Variants in HTR1F observed in about 807,000 individuals in gnomAD.
HTR1F encodes the protein 5-hydroxytryptamine receptor 1F, also known as 5-hydroxytryptamine (serotonin) receptor 1F, G protein-coupled.
HTR1F carries 17 observed loss-of-function variants against 24.0 expected under a neutral mutation model. The observed-to-expected ratio is 0.71, with a 90% CI of 0.48 to 1.06. HTR1F has a LOEUF of 1.06. HTR1F is among the 50% of genes least tolerant of loss of function. The pLI is 0.00. For synonymous variants in HTR1F, 186 were observed against 156.8 expected, an observed-to-expected ratio of 1.19 and a Z score of -1.39; for missense variants, 391 against 427.8, an observed-to-expected ratio of 0.91 and a Z score of 0.76.
chr3:87,840,758 C>T (rs190088842), intron 2 of HTR1F, among the ~76,000 whole-genome samples: 3 of 151,980 alleles, frequency 2.0e-5, no homozygotes, highest in African/African-American at 7.3e-5. Context: ...TTTAAAAACA[C>T]AGGAAATTCT....
At chr3:87,845,850 A>G (rs1472792017) in intron 2 of HTR1F, among the ~76,000 whole-genome samples, 1 of 152,018 alleles carries the variant, frequency 6.6e-6, no homozygotes, top group African/African-American at 2.4e-5. Context: ...TATGGAATAT[A>G]TATTTTCCTC....
chr3:87,933,736 T>C (rs1412398497), intron 2 of HTR1F, among the ~76,000 whole-genome samples: 2 of 152,182 alleles, frequency 1.3e-5, no homozygotes, highest in African/African-American at 4.8e-5. Context: ...CATTCCATGC[T>C]CATGGGTAGG....
At chr3:87,827,669 C>T (rs923152114) in intron 2 of HTR1F, among the ~76,000 whole-genome samples, 1 of 152,114 alleles carries the variant, frequency 6.6e-6, no homozygotes, top group African/African-American at 2.4e-5. Context: ...AATTGGAAAG[C>T]AATGAAGCAA....
At chr3:87,840,106 T>C (rs556480908) in intron 2 of HTR1F, among the ~76,000 whole-genome samples, 5 of 152,298 alleles carry the variant, frequency 3.3e-5, no homozygotes, top group Admixed American at 1.3e-4. Context: ...GGTAGAATGA[T>C]ATATTTTCCT....
rs200883374 is a variant in HTR1F at position 87,991,628 on chromosome 3, T to C, written c.879T>C (p.Thr293=). The change falls in exon 3 of 3, where the codon ACT becomes ACC. Residue 293 remains threonine (T), a synonymous_variant. Coordinates refer to ENST00000319595, the MANE Select transcript of HTR1F (RefSeq NM_001322209.2). ...GTACAAGAGAACGGAAAGCAGCCAC[T>C]ACCCTGGGATTAATCTTGGGTGCAT... ...ISGTRERKAA[T]TLGLILGAFV... 6.2e-7 allele frequency: 1 copy of C among 1,613,768 alleles called. No individual in the cohort carries two copies. The highest frequency in any genetic ancestry group is 1.3e-5 in the African/African-American group (1 of 75,038).
At chr3:87,866,438 A>G (rs1705428319) in intron 2 of HTR1F, among the ~76,000 whole-genome samples, 1 of 152,164 alleles carries the variant, frequency 6.6e-6, no homozygotes, top group Admixed American at 6.6e-5. Context: ...CCGAAAAACA[A>G]CTAGCTCCTT....
intron 1 of HTR1F, chr3:87,793,173 G>C (rs1404832851): frequency 6.6e-6 from 1 of 152,586 alleles, no homozygotes; most frequent in East Asian, 1.9e-4. Flanking sequence ...GTCCAAGCCG[G>C]CGAGACCCCA....
chr3:87,915,247 G>A (rs1341461642), intron 2 of HTR1F, among the ~76,000 whole-genome samples: 1 of 152,124 alleles, frequency 6.6e-6, no homozygotes, highest in African/African-American at 2.4e-5. Context: ...CTACCCAAAT[G>A]AGAAGGAACC....
chr3:87,815,916 CAA>C (rs1279364792), intron 1 of HTR1F, among the ~76,000 whole-genome samples: 1 of 152,030 alleles, frequency 6.6e-6, no homozygotes, highest in Non-Finnish European at 1.5e-5. Context: ...GTATATAAAA[CAA>C]AAGTTATCTA....
At chr3:87,872,092 T>C (rs1705570753) in intron 2 of HTR1F, among the ~76,000 whole-genome samples, 2 of 151,890 alleles carry the variant, frequency 1.3e-5, no homozygotes, top group Non-Finnish European at 2.9e-5. Flanking sequence ...ATAGAATCAA[T>C]AACAAAAGAA....
rs1435296369 is a variant in HTR1F, at chr3:87,800,913, C to T, written c.-160+8071C>T. ...TTCCTAATGTAATCTTCTGTATCTA[C>T]AGTCTTTAAGACAGATGGCTATTTC... On this transcript the variant is annotated intron_variant, in intron 1 of 2. Transcript: ENST00000319595. Among the ~76,000 whole-genome samples, 3 of 152,190 alleles carry T rather than the reference C, an allele frequency of 2.0e-5. No homozygotes were observed. The East Asian group carries it at 5.8e-4, about 29-fold the overall frequency.
intron 2 of HTR1F, among the ~76,000 whole-genome samples, chr3:87,853,915 T>C (rs1414511687): frequency 6.6e-6 from 1 of 152,056 alleles, no homozygotes; most frequent in Non-Finnish European, 1.5e-5. Context: ...GGGTTATTTA[T>C]TTTTTTCTTG....
chr3:87,893,121 G>A (rs1706120776), intron 2 of HTR1F, among the ~76,000 whole-genome samples: 1 of 152,036 alleles, frequency 6.6e-6, no homozygotes, highest in South Asian at 2.1e-4. Flanking sequence ...TGGTCCTGAT[G>A]CACTTTAATT....
chr3:87,850,706 A>G (rs1282553461), intron 2 of HTR1F, among the ~76,000 whole-genome samples: 4 of 151,714 alleles, frequency 2.6e-5, no homozygotes, highest in Admixed American at 6.6e-5. Context: ...AATATAGAAA[A>G]ATTTATATTT....
intron 2 of HTR1F, among the ~76,000 whole-genome samples, chr3:87,864,255 A>G (rs1705376222): frequency 6.6e-6 from 1 of 152,148 alleles, no homozygotes; most frequent in South Asian, 2.1e-4. Flanking sequence ...ACAGTTTGGG[A>G]GGCCGTTATT....
chr3:87,830,156 T>A (rs2107149682), intron 2 of HTR1F, among the ~76,000 whole-genome samples: 1 of 152,308 alleles, frequency 6.6e-6, no homozygotes, highest in Admixed American at 6.5e-5. Context: ...CACAGTCTTT[T>A]TGTGACATAC....
intron 2 of HTR1F, among the ~76,000 whole-genome samples, chr3:87,965,470 T>A (rs1287789550): frequency 6.6e-6 from 1 of 152,232 alleles, no homozygotes; most frequent in Non-Finnish European, 1.5e-5. Flanking sequence ...AATAGGAGGA[T>A]GAAAATTGTG....
intron 2 of HTR1F, among the ~76,000 whole-genome samples, chr3:87,844,066 T>C (rs1326948365): frequency 3.4e-5 from 5 of 148,956 alleles, no homozygotes; most frequent in Non-Finnish European, 3.0e-5. Flanking sequence ...CTGGGTCAAA[T>C]GGTATTTCTA....
chr3:87,828,479 T>G (rs1704509141), intron 2 of HTR1F, among the ~76,000 whole-genome samples: 1 of 152,222 alleles, frequency 6.6e-6, no homozygotes, highest in East Asian at 1.9e-4. Context: ...AAGAGCACAT[T>G]CAACCTTTGT....
Sources: gnomAD v4.1 joint callset for allele counts (sites outside exome capture counted in the v4.1 genomes callset) on GRCh38, gnomAD v4.1.1 for gene constraint, MANE v1.5 for transcripts, NCBI Gene and HGNC (gene_info 2026-07-23, HGNC 2026-07-21) for gene names.